Variants in ASAP1 observed in about 807,000 individuals in gnomAD.
ASAP1 encodes ArfGAP with SH3 domain, ankyrin repeat and PH domain 1, also known as arf-GAP with SH3 domain, ANK repeat and PH domain-containing protein 1.
In ASAP1, 43 loss-of-function variants were observed where a neutral mutation model predicts 145.2. The ratio of observed to expected loss-of-function variants is 0.30; its 90% CI spans 0.23 to 0.38. ASAP1 has a LOEUF of 0.38. Ranked by LOEUF, ASAP1 falls within the 10% of genes least tolerant of loss-of-function variation. ASAP1 has a pLI of 1.00. For synonymous variants in ASAP1, 546 were observed against 515.5 expected (o/e 1.06, Z -0.80); for missense variants, 1,018 against 1,355.3 (o/e 0.75, Z 3.91).
intron 14 of ASAP1, among the ~76,000 whole-genome samples, chr8:130,135,478 C>T (rs966765507): frequency 6.6e-6 from 1 of 151,828 alleles, no homozygotes; most frequent in African/African-American, 2.4e-5. Flanking sequence ...GAGTGAGACC[C>T]TGCCTCAAAA....
chr8:130,403,537 ATTTTCT>A (rs1190310965), intron 1 of ASAP1, among the ~76,000 whole-genome samples: 3 of 142,198 alleles, frequency 2.1e-5, no homozygotes, highest in East Asian at 2.0e-4. Flanking sequence ...GCCATAAGAC[ATTTTCT>A]TTTTCTTTTT....
chr8:130,088,440 G>A (rs2097498521), intron 25 of ASAP1, among the ~76,000 whole-genome samples: 1 of 152,048 alleles, frequency 6.6e-6, no homozygotes, highest in African/African-American at 2.4e-5. Flanking sequence ...ACAATCACAC[G>A]TACACTTATG....
chr8:130,126,691 A>C (rs887624015), intron 16 of ASAP1, among the ~76,000 whole-genome samples: 1 of 152,184 alleles, frequency 6.6e-6, no homozygotes, highest in Non-Finnish European at 1.5e-5. Flanking sequence ...TGACTGGTCA[A>C]TGCTTGAGAT....
chr8:130,101,649 C>A (rs1278758237), intron 24 of ASAP1, among the ~76,000 whole-genome samples: 1 of 151,362 alleles, frequency 6.6e-6, no homozygotes, highest in South Asian at 2.1e-4. Context: ...CAGCTCACTG[C>A]AGCCTCCTAT....
chr8:130,072,825 G>GTGCGTGTGCGCGCGCGTGCGCA lies in ASAP1; in HGVS notation c.2701+3522_2701+3523insTGCGCACGCGCGCGCACACGCA. Among the ~76,000 whole-genome samples the GTGCGTGTGCGCGCGCGTGCGCA allele has an allele frequency of 2.6e-4, 14 of 54,098 alleles. 2 individuals are homozygous for GTGCGTGTGCGCGCGCGTGCGCA. The highest frequency in any genetic ancestry group is 5.1e-4 in the Non-Finnish European group (14 of 27,564). The allele number at this position is 54,098 out of a possible 152,430, so 35.5% of individuals were successfully genotyped here. On this transcript the variant is annotated intron_variant, in intron 27 of 29. Transcript: ENST00000518721. ...TGTGTGTGTGTGTGTGTGTGTGTGT[G>GTGCGTGTGCGCGCGCGTGCGCA]CGCGCGGGGGGGGGCAGTTTTGGGG... is the stretch of plus-strand genomic sequence containing the variant.
At chr8:130,189,854 T>C (rs1348272387) in intron 5 of ASAP1, among the ~76,000 whole-genome samples, 1 of 152,244 alleles carries the variant, frequency 6.6e-6, no homozygotes, top group Non-Finnish European at 1.5e-5. Flanking sequence ...TTTAGCTGGC[T>C]TGAGATGATA....
chr8:130,339,432 A>C (rs1157392694), intron 3 of ASAP1, among the ~76,000 whole-genome samples: 1 of 152,134 alleles, frequency 6.6e-6, no homozygotes, highest in Non-Finnish European at 1.5e-5. Flanking sequence ...ATCCTTGAGT[A>C]CATCGATGCG....
intron 5 of ASAP1, among the ~76,000 whole-genome samples, chr8:130,195,801 C>T (rs1378919834): frequency 2.0e-5 from 3 of 152,224 alleles, no homozygotes; most frequent in African/African-American, 7.2e-5. Flanking sequence ...ACACTGCCAG[C>T]AGTATACAAA....
chr8:130,211,542 T>C (rs778081087), intron 5 of ASAP1, among the ~76,000 whole-genome samples: 1 of 152,198 alleles, frequency 6.6e-6, no homozygotes, highest in Non-Finnish European at 1.5e-5. Context: ...ACACCTGCAA[T>C]AGTGATTTCT....
intron 1 of ASAP1, among the ~76,000 whole-genome samples, chr8:130,405,745 T>C (rs1376877833): frequency 1.3e-5 from 2 of 152,220 alleles, no homozygotes; most frequent in African/African-American, 4.8e-5. Context: ...TAATTCGAAG[T>C]AGGTTAGCAG....
intron 1 of ASAP1, among the ~76,000 whole-genome samples, chr8:130,436,784 C>T (rs1195063602): frequency 6.6e-6 from 1 of 151,818 alleles, no homozygotes; most frequent in Non-Finnish European, 1.5e-5. Context: ...TGGGGCAACA[C>T]AGCAAGATCC....
intron 3 of ASAP1, among the ~76,000 whole-genome samples, chr8:130,336,575 A>G (rs143586072): frequency 1.5e-4 from 23 of 152,228 alleles, no homozygotes; most frequent in African/African-American, 5.5e-4. Flanking sequence ...TTACATGGGT[A>G]AAAGAAATAA....
At chr8:130,402,161 C>A (rs1321576770) in intron 1 of ASAP1, among the ~76,000 whole-genome samples, 191 bp from the exon 2 acceptor site, 2 of 152,202 alleles carry the variant, frequency 1.3e-5, no homozygotes, top group African/African-American at 4.8e-5. Flanking sequence ...GGGCTGATAC[C>A]TCCATCATTG....
At chr8:130,261,895 C>T (rs1819922957) in intron 3 of ASAP1, among the ~76,000 whole-genome samples, 1 of 151,932 alleles carries the variant, frequency 6.6e-6, no homozygotes, top group African/African-American at 2.4e-5. Context: ...TCTCCCCAAG[C>T]TACTTCACAA....
At chr8:130,394,496 TGTC>T (rs1025985433) in intron 2 of ASAP1, among the ~76,000 whole-genome samples, 1 of 152,238 alleles carries the variant, frequency 6.6e-6, no homozygotes, top group Non-Finnish European at 1.5e-5. Flanking sequence ...GCAATTTTAA[TGTC>T]GTCCCGGTCC....
intron 3 of ASAP1, among the ~76,000 whole-genome samples, chr8:130,346,196 T>C (rs1176909492): frequency 6.6e-6 from 1 of 152,188 alleles, no homozygotes; most frequent in African/African-American, 2.4e-5. Flanking sequence ...AGGGGGGATG[T>C]CCCTGAGGTA....
At chr8:130,416,819 A>T (rs1355300978) in intron 1 of ASAP1, among the ~76,000 whole-genome samples, 16 of 152,236 alleles carry the variant, frequency 1.1e-4, no homozygotes, top group Non-Finnish European at 2.1e-4. Context: ...CACATGCCAC[A>T]ACCACTGTGG....
At chr8:130,313,393 C>T (rs1823474671) in intron 3 of ASAP1, among the ~76,000 whole-genome samples, 1 of 152,034 alleles carries the variant, frequency 6.6e-6, no homozygotes, top group South Asian at 2.1e-4. Context: ...TAAATTGAGT[C>T]CTCCTTCCAA....
intron 3 of ASAP1, among the ~76,000 whole-genome samples, chr8:130,320,390 T>G (rs542221526): frequency 6.6e-6 from 1 of 152,192 alleles, no homozygotes; most frequent in East Asian, 1.9e-4. Flanking sequence ...ACCCCATCTC[T>G]ATAAAAAATA....
Sources: gnomAD v4.1 joint callset for allele counts (sites outside exome capture counted in the v4.1 genomes callset) on GRCh38, gnomAD v4.1.1 for gene constraint, MANE v1.5 for transcripts, NCBI Gene and HGNC (gene_info 2026-07-23, HGNC 2026-07-21) for gene names.